Variants in UBXN2B observed in about 807,000 individuals in gnomAD.
The protein encoded by UBXN2B is UBX domain-containing protein 2B.
Under a neutral mutation model 37.5 loss-of-function variants are expected in UBXN2B, and 19 were observed. That is an observed-to-expected ratio of 0.51 (90% confidence interval 0.35 to 0.74). The LOEUF is 0.74. Among genes scored for constraint, UBXN2B ranks in the 30% least tolerant of loss-of-function variants. The pLI is 0.01. For synonymous variants in UBXN2B, 145 were observed against 143.8 expected (o/e 1.01, Z -0.06); for missense variants, 370 against 393.2 (o/e 0.94, Z 0.50).
intron 2 of UBXN2B, chr8:58,425,552 T>C (rs1224810492): frequency 9.3e-7 from 1 of 1,074,166 alleles, no homozygotes; most frequent in African/African-American, 1.6e-5. Context: ...TTTTTGTTTT[T>C]GTTTTCTTGC....
rs985989369 is a variant in UBXN2B at position 58,431,427 on chromosome 8, G to A, written c.339+758G>A. 5.9e-5 allele frequency among the ~76,000 whole-genome samples: 9 copies of A among 152,128 alleles called. No homozygotes were observed. In the East Asian group the frequency reaches 7.7e-4, roughly 13 times the overall value. Reference sequence around the variant, plus strand: ...ACAACTTTGTTCCTTTTTAATTCCCGAGTAGCATTTTATATAGATATACCA... The same window carrying A: ...ACAACTTTGTTCCTTTTTAATTCCCAAGTAGCATTTTATATAGATATACCA... On this transcript the variant is annotated intron_variant, in intron 3 of 7. Coordinates refer to ENST00000399598, the MANE Select transcript of UBXN2B (RefSeq NM_001077619.2).
intron 2 of UBXN2B, chr8:58,425,887 G>A: frequency 8.5e-7 from 1 of 1,175,910 alleles, no homozygotes; most frequent in Non-Finnish European, 1.3e-6. Context: ...TGCCGTTATT[G>A]TTCTCCCCTT....
chr8:58,428,965 A>G lies in UBXN2B; in HGVS notation c.189-1554A>G, dbSNP rs560244425. Among the ~76,000 whole-genome samples the G allele has an allele frequency of 1.9e-4, 29 of 152,330 alleles. No individual in the cohort carries two copies. In the South Asian group the frequency reaches 5.4e-3, roughly 28 times the overall value. Reference sequence around the variant, plus strand: ...TATACCACCTATAAACGTCAGTTCCATATGGGTTGTGGATCTAAATATAGA... The same window carrying G: ...TATACCACCTATAAACGTCAGTTCCGTATGGGTTGTGGATCTAAATATAGA... On this transcript the variant is annotated intron_variant, in intron 2 of 7. Transcript: ENST00000399598.
At position 58,411,380 on chromosome 8, in the gene UBXN2B, C is replaced by T; in HGVS notation, c.-6C>T. On this transcript the variant is annotated 5_prime_UTR_variant, in exon 1 of 8. Transcript: ENST00000399598. Reference sequence around the variant, plus strand: ...GTCCGCAGCGGGCGCCGCTAGCCAGCGGAAGATGGCGGAGGGCGGAGGCCC... The same window carrying T: ...GTCCGCAGCGGGCGCCGCTAGCCAGTGGAAGATGGCGGAGGGCGGAGGCCC... 7 of 1,268,002 alleles carry T rather than the reference C, an allele frequency of 5.5e-6. 1 individual carries two copies. In the South Asian group the frequency reaches 8.7e-5, roughly 16 times the overall value. The allele number at this position is 1,268,002 out of a possible 1,614,324, so 78.5% of individuals were successfully genotyped here.
rs1288800845 is a variant in UBXN2B at position 58,447,985 on chromosome 8, G to A, written c.*434G>A. ...TGAAAATTTGTCTATAATATATACTGAAACGTGTCTTTTGATTTTGAAATT... is the reference window on the plus strand; with the variant it reads ...TGAAAATTTGTCTATAATATATACTAAAACGTGTCTTTTGATTTTGAAATT... On this transcript the variant is annotated 3_prime_UTR_variant, in exon 8 of 8. Coordinates refer to ENST00000399598, the MANE Select transcript of UBXN2B (RefSeq NM_001077619.2). 1 of 152,736 alleles carries A rather than the reference G, an allele frequency of 6.5e-6. No individual in the cohort carries two copies. Among genetic ancestry groups the A allele is most frequent in the Non-Finnish European group, 1.5e-5 (1 of 68,500 alleles). The allele number at this position is 152,736 out of a possible 1,614,324, so 9.5% of individuals were successfully genotyped here.
At chr8:58,444,247 AGTT>A (rs919912614) in intron 6 of UBXN2B, among the ~76,000 whole-genome samples, 2 of 151,924 alleles carry the variant, frequency 1.3e-5, no homozygotes, top group African/African-American at 2.4e-5. Flanking sequence ...TTTTTTCCAG[AGTT>A]GTTGTTAGGA....
rs975307253 is a variant in UBXN2B, at chr8:58,411,407, G to C, written c.22G>C (p.Glu8Gln). Residue 8 changes from glutamate (E) to glutamine (Q), a missense_variant, in exon 1 of 8, where the codon GAG becomes CAG. Glu to Gln is a conservative substitution (Grantham distance 29). Coordinates refer to ENST00000399598, the MANE Select transcript of UBXN2B (RefSeq NM_001077619.2). MAEGGGPEPGEQERRSSG... is the reference protein window; with the variant it reads MAEGGGPQPGEQERRSSG... Reference sequence around the variant, plus strand: ...GAAGATGGCGGAGGGCGGAGGCCCTGAGCCCGGCGAGCAGGAGAGGAGGTC... The same window carrying C: ...GAAGATGGCGGAGGGCGGAGGCCCTCAGCCCGGCGAGCAGGAGAGGAGGTC... 4.7e-6 allele frequency: 6 copies of C among 1,268,916 alleles called. No homozygotes were observed. The highest frequency in any genetic ancestry group is 5.8e-5 in the South Asian group (2 of 34,638). The allele number at this position is 1,268,916 out of a possible 1,614,324, so 78.6% of individuals were successfully genotyped here.
At position 58,451,240 on chromosome 8, in the gene UBXN2B, TAGAG is replaced by T. The variant is rs1669800891; in HGVS notation, c.*3691_*3694del. ...TTTTGTATATAATAGTCTTCCAAGA[TAGAG>T]ATTTACATTAGGAGAGAATTAAACA... is the stretch of plus-strand genomic sequence containing the variant. On this transcript the variant is annotated 3_prime_UTR_variant, in exon 8 of 8. Coordinates refer to ENST00000399598, the MANE Select transcript of UBXN2B (RefSeq NM_001077619.2). The T allele has an allele frequency of 6.6e-6, 1 of 152,294 alleles. No individual in the cohort carries two copies. Among genetic ancestry groups the T allele is most frequent in the Non-Finnish European group, 1.5e-5 (1 of 68,032 alleles). 9.4% of individuals were successfully genotyped at this position (152,294 alleles called of 1,614,324 possible).
intron 3 of UBXN2B, among the ~76,000 whole-genome samples, chr8:58,431,732 A>G (rs1026985363): frequency 2.6e-4 from 40 of 152,314 alleles, no homozygotes; most frequent in African/African-American, 9.6e-4. Flanking sequence ...TGGTATTGTC[A>G]CTATTTTTAA....
chr8:58,439,572 C>T, intron 5 of UBXN2B, 61 bp from the exon 6 acceptor site: 1 of 1,550,346 alleles, frequency 6.5e-7, no homozygotes, highest in Non-Finnish European at 8.7e-7. Context: ...ACAGTAATCT[C>T]AACAGTGTAG....
intron 7 of UBXN2B, among the ~76,000 whole-genome samples, chr8:58,446,695 C>T (rs1268818237): frequency 5.3e-5 from 8 of 150,230 alleles, no homozygotes; most frequent in African/African-American, 2.0e-4. Context: ...TTTAGACTCA[C>T]CTTGCCACAG....
Position 58,424,643 on chromosome 8 carries a change from C to T in UBXN2B, c.189-5876C>T, listed in dbSNP as rs1585601415. On this transcript the variant is annotated intron_variant, in intron 2 of 7. Transcript: ENST00000399598. ...GCCCACGTTTTCATACACTCTAGCA[C>T]TGTCTGCTCTCATTTCTGCACAGCG... 5.7e-6 allele frequency: 7 copies of T among 1,227,852 alleles called. No individual in the cohort carries two copies. The East Asian group carries it at 1.6e-4, about 29-fold the overall frequency. The allele number at this position is 1,227,852 out of a possible 1,614,324, so 76.1% of individuals were successfully genotyped here. A position where few individuals can be genotyped will look rare whatever the true frequency, so the allele number is the denominator to read the frequency against.
At chr8:58,422,311 T>G (rs1807949992) in intron 2 of UBXN2B, among the ~76,000 whole-genome samples, 1 of 152,180 alleles carries the variant, frequency 6.6e-6, no homozygotes, top group African/African-American at 2.4e-5. Flanking sequence ...CTCAGGGTCT[T>G]AAGAGACTGA....
chr8:58,423,447 T>G (rs200414947), intron 2 of UBXN2B, among the ~76,000 whole-genome samples: 3,495 of 151,524 alleles, frequency 0.023, 67 homozygotes, highest in East Asian at 0.11. Flanking sequence ...TGTTGTTTTT[T>G]TTTTTTGACA....
intron 5 of UBXN2B, among the ~76,000 whole-genome samples, chr8:58,437,732 T>A (rs907191694): frequency 1.3e-5 from 2 of 152,152 alleles, no homozygotes; most frequent in Non-Finnish European, 2.9e-5. Flanking sequence ...TTGGAACTCA[T>A]ATTTAAAAGA....
intron 2 of UBXN2B, among the ~76,000 whole-genome samples, chr8:58,428,372 A>G (rs549614761): frequency 6.6e-6 from 1 of 152,354 alleles, no homozygotes; most frequent in East Asian, 1.9e-4. Context: ...GATTAGAAAA[A>G]CAAAAGTATA....
intron 6 of UBXN2B, among the ~76,000 whole-genome samples, chr8:58,443,237 A>T (rs1368148734): frequency 6.6e-6 from 1 of 152,180 alleles, no homozygotes; most frequent in Non-Finnish European, 1.5e-5. Context: ...GTTTCCCTCC[A>T]GCCTTCAAGC....
intron 2 of UBXN2B, among the ~76,000 whole-genome samples, chr8:58,428,944 C>T (rs954784458): frequency 1.3e-5 from 2 of 152,100 alleles, no homozygotes; most frequent in Admixed American, 6.5e-5. Flanking sequence ...CTACCTTATA[C>T]CACCTATAAA....
At chr8:58,413,327 A>C (rs572361683) in intron 1 of UBXN2B, 1 of 152,232 alleles carries the variant, frequency 6.6e-6, no homozygotes. Context: ...AGAACTTGCA[A>C]AGAAACTTGA....
Sources: allele counts gnomAD v4.1 joint callset (sites outside exome capture counted in the v4.1 genomes callset), GRCh38; gene constraint gnomAD v4.1.1; transcripts MANE v1.5; gene names NCBI Gene and HGNC (gene_info 2026-07-23, HGNC 2026-07-21).